The following PEX14 variants were observed in gnomAD, a reference collection of about 807,000 sequenced individuals.
PEX14 encodes peroxisomal membrane protein PEX14.
A neutral mutation model predicts 49.5 loss-of-function variants in PEX14; 15 were observed. That is an observed-to-expected ratio of 0.30 (90% CI 0.20 to 0.47). The LOEUF is 0.47. PEX14 is among the 20% of genes least tolerant of loss of function. PEX14 has a pLI of 1.00. For missense variants in PEX14, 398 were observed against 494.8 expected, an observed-to-expected ratio of 0.80 and a Z score of 1.86; for synonymous variants, 210 against 212.7, an observed-to-expected ratio of 0.99 and a Z score of 0.11.
At position 10,536,410 on chromosome 1, in the gene PEX14, CACTCA is replaced by C. The variant is rs1638804740; in HGVS notation, c.169+114_169+118del. 4 of 755,804 alleles carry C rather than the reference CACTCA, an allele frequency of 5.3e-6. No homozygotes were observed. The African/African-American group carries it at 6.8e-5, about 13-fold the overall frequency. The allele number at this position is 755,804 out of a possible 1,614,324, so 46.8% of individuals were successfully genotyped here. ...GCTGCCAGGACTTCCTAGAGCTGCC[CACTCA>C]TGGGGCAGTGGGGCTGAGGCGAACC... On this transcript the variant is annotated intron_variant, in intron 3 of 8. Transcript: ENST00000356607.
chr1:10,586,870 T>C (rs1640509325), intron 3 of PEX14, among the ~76,000 whole-genome samples: 1 of 152,034 alleles, frequency 6.6e-6, no homozygotes, highest in African/African-American at 2.4e-5. Flanking sequence ...CTCAATCTTC[T>C]GACCTCATGA....
Position 10,503,985 on chromosome 1 carries a change from C to T in PEX14, c.84+8664C>T, listed in dbSNP as rs532348053. Among the ~76,000 whole-genome samples the T allele has an allele frequency of 4.3e-4, 66 of 152,260 alleles. 1 individual carries two copies. The highest frequency in any genetic ancestry group is 1.5e-3 in the African/African-American group (63 of 41,556). ...TTGGCCTCAAATGATCCACCCGCCTCGGCCTCCCAAAGTGCTGGGATTACA... is the reference window on the plus strand; with the variant it reads ...TTGGCCTCAAATGATCCACCCGCCTTGGCCTCCCAAAGTGCTGGGATTACA... On this transcript the variant is annotated intron_variant, in intron 2 of 8. Coordinates refer to ENST00000356607, the MANE Select transcript of PEX14 (RefSeq NM_004565.3).
chr1:10,602,785 C>T (rs940992361), intron 4 of PEX14, among the ~76,000 whole-genome samples: 43 of 152,202 alleles, frequency 2.8e-4, no homozygotes, highest in African/African-American at 9.9e-4. Flanking sequence ...GAACTAGGTG[C>T]ACAATCTGCA....
At chr1:10,574,910 G>C (rs1640077603) in intron 3 of PEX14, among the ~76,000 whole-genome samples, 1 of 152,048 alleles carries the variant, frequency 6.6e-6, no homozygotes, top group Admixed American at 6.6e-5. Flanking sequence ...AGGAGTTCGA[G>C]ACCAGCCTGG....
chr1:10,609,867 C>G (rs1435503681), intron 4 of PEX14, among the ~76,000 whole-genome samples: 1 of 151,574 alleles, frequency 6.6e-6, no homozygotes, highest in Non-Finnish European at 1.5e-5. Flanking sequence ...CCTGGGTGAC[C>G]GAACGAAGCT....
At position 10,630,183 on chromosome 1, in the gene PEX14, G is replaced by A. The variant is rs925106790; in HGVS notation, c.*196G>A. On this transcript the variant is annotated 3_prime_UTR_variant, in exon 9 of 9. Transcript: ENST00000356607. This position sits in a 1 kb window ranked among gnomAD's most constrained non-coding sequence, Gnocchi z 4.1. ...CCACCTGGCCTCCTCTCGCCTGGCC[G>A]CCAGCCCCAGCCCCAGCCCCAGCCC... is the stretch of plus-strand genomic sequence containing the variant. 19 of 828,294 alleles carry A rather than the reference G, an allele frequency of 2.3e-5. No homozygotes were observed. The East Asian group carries it at 3.0e-4, about 13-fold the overall frequency. 51.3% of individuals were successfully genotyped at this position (828,294 alleles called of 1,614,324 possible). A position where few individuals can be genotyped will look rare whatever the true frequency, so the allele number is the denominator to read the frequency against.
At position 10,568,583 on chromosome 1, in the gene PEX14, C is replaced by G. The variant is rs1399142347; in HGVS notation, c.170-30655C>G. On this transcript the variant is annotated intron_variant, in intron 3 of 8. Transcript: ENST00000356607. ...TAGTATTTTTTAAATGTGCTAGATT[C>G]TTTGTGCCATTATTTTATCCAGCAG... Among the ~76,000 whole-genome samples the G allele has an allele frequency of 3.9e-5, 6 of 151,936 alleles. 1 individual carries two copies. The South Asian group carries it at 1.0e-3, about 26-fold the overall frequency.
chr1:10,621,327 A>G (rs2124637005), intron 5 of PEX14, among the ~76,000 whole-genome samples: 1 of 150,198 alleles, frequency 6.7e-6, no homozygotes, highest in East Asian at 1.9e-4. Flanking sequence ...TTGGTTACAC[A>G]CACATATATG....
chr1:10,505,430 G>A (rs1178511908), intron 2 of PEX14, among the ~76,000 whole-genome samples: 1 of 152,186 alleles, frequency 6.6e-6, no homozygotes, highest in African/African-American at 2.4e-5. Context: ...GGGTGACAGA[G>A]CGAGACCTGT....
intron 4 of PEX14, among the ~76,000 whole-genome samples, chr1:10,614,102 T>C (rs1006067157): frequency 2.0e-5 from 3 of 152,200 alleles, no homozygotes; most frequent in African/African-American, 7.2e-5. Flanking sequence ...GAGGTGGTCG[T>C]GGCTGGGAGT....
rs1432851988 is a variant in PEX14, at chr1:10,495,503, T to G, written c.84+182T>G. Among the ~76,000 whole-genome samples, 1 of 152,150 alleles carries G rather than the reference T, an allele frequency of 6.6e-6. No homozygotes were observed. The highest frequency in any genetic ancestry group is 1.9e-4 in the East Asian group (1 of 5,198). On this transcript the variant is annotated intron_variant, in intron 2 of 8. Coordinates refer to ENST00000356607, the MANE Select transcript of PEX14 (RefSeq NM_004565.3). This position sits in a 1 kb window ranked among gnomAD's most constrained non-coding sequence, Gnocchi z 4.2. ...CTCGCGTGTGGGGACGAGTGAGATC[T>G]CTCCTTAGTAAAGGCTGGTCCTTTC...
chr1:10,551,289 C>G (rs1289867178), intron 3 of PEX14, among the ~76,000 whole-genome samples: 1 of 152,146 alleles, frequency 6.6e-6, no homozygotes, highest in Non-Finnish European at 1.5e-5. Context: ...TATTCATGTC[C>G]TTGCTGTCCA....
At chr1:10,563,605 A>G (rs1639715552) in intron 3 of PEX14, among the ~76,000 whole-genome samples, 2 of 147,388 alleles carry the variant, frequency 1.4e-5, no homozygotes, top group Admixed American at 6.8e-5. Context: ...AGCCTGGGCA[A>G]CAAGAGCGAA....
intron 3 of PEX14, among the ~76,000 whole-genome samples, chr1:10,565,297 G>A (rs1639771190): frequency 6.6e-6 from 1 of 152,218 alleles, no homozygotes; most frequent in South Asian, 2.1e-4. Flanking sequence ...CTTTATGCTT[G>A]TGTAAAGTGG....
At chr1:10,544,534 T>C (rs147861054) in intron 3 of PEX14, among the ~76,000 whole-genome samples, 17 of 152,286 alleles carry the variant, frequency 1.1e-4, no homozygotes, top group African/African-American at 3.8e-4. Context: ...TATTGAGGTG[T>C]AATTGACATA....
intron 4 of PEX14, among the ~76,000 whole-genome samples, chr1:10,614,095 G>A (rs1490463574): frequency 6.6e-6 from 1 of 152,222 alleles, no homozygotes. Flanking sequence ...AGGACTTGAG[G>A]TGGTCGTGGC....
intron 3 of PEX14, among the ~76,000 whole-genome samples, chr1:10,541,983 C>T (rs1288529511): frequency 6.6e-6 from 1 of 152,130 alleles, no homozygotes; most frequent in Admixed American, 6.5e-5. Flanking sequence ...TTTATGTTTT[C>T]CCTGCAACTG....
chr1:10,530,931 C>T (rs533716900), intron 2 of PEX14, among the ~76,000 whole-genome samples: 2 of 152,258 alleles, frequency 1.3e-5, no homozygotes, highest in Admixed American at 1.3e-4. Flanking sequence ...GATTTTTCTT[C>T]TACTCTGGTT....
rs146318648 is a variant in PEX14, at chr1:10,561,950, C to T, written c.169+25653C>T. 5.3e-3 allele frequency among the ~76,000 whole-genome samples: 800 copies of T among 152,166 alleles called. 23 individuals carry two copies. Among genetic ancestry groups the T allele is most frequent in the Admixed American group, 0.048 (734 of 15,278 alleles). Reference sequence around the variant, plus strand: ...ATTGTCATTTTTCTTCCTTTTTACCCGAGACAAGGTCTCACTCTGGCTATC... The same window carrying T: ...ATTGTCATTTTTCTTCCTTTTTACCTGAGACAAGGTCTCACTCTGGCTATC... On this transcript the variant is annotated intron_variant, in intron 3 of 8. Coordinates refer to ENST00000356607, the MANE Select transcript of PEX14 (RefSeq NM_004565.3).
Sources: gnomAD v4.1 joint callset for allele counts (sites outside exome capture counted in the v4.1 genomes callset) on GRCh38, gnomAD v4.1.1 for gene constraint, Gnocchi (gnomAD v3.1) non-coding constraint, MANE v1.5 for transcripts, NCBI Gene and HGNC (gene_info 2026-07-23, HGNC 2026-07-21) for gene names.